Variants in OR7G2 observed in about 807,000 individuals in gnomAD.
OR7G2 encodes olfactory receptor family 7 subfamily G member 2.
For synonymous variants in OR7G2, 153 were observed against 152.2 expected, an observed-to-expected ratio of 1.01 and a Z score of -0.04; for missense variants, 362 against 384.0, an observed-to-expected ratio of 0.94 and a Z score of 0.48.
At position 9,103,036 on chromosome 19, in the gene OR7G2, C is replaced by T. The variant is rs1379830771; in HGVS notation, c.208G>A (p.Asp70Asn). 1.9e-6 allele frequency: 3 copies of T among 1,613,906 alleles called. No individual in the cohort carries two copies. Among genetic ancestry groups the T allele is most frequent in the Non-Finnish European group, 2.5e-6 (3 of 1,179,996 alleles). The change falls in exon 2 of 2, where the codon GAC (aspartate) becomes AAC (asparagine). Residue 70 changes from aspartate to asparagine, a missense_variant. By Grantham distance (23) the Asp-to-Asn change is conservative. Transcript: ENST00000641081. The stretch of plus-strand genomic sequence containing the variant: ...ATCGTGGTTGTGCTTAAACAAATGT[C>T]CAAAAAGGAGAGATTGGAGAGGAAG... ...YFFLSNLSFL[D>N]ICLSTTTIPK...
chr19:9,104,972 T>C (rs2050377951), intron 1 of OR7G2, among the ~76,000 whole-genome samples: 1 of 151,936 alleles, frequency 6.6e-6, no homozygotes, highest in African/African-American at 2.4e-5. Flanking sequence ...TTTTTTCTTT[T>C]TCTTTTTCTT....
intron 1 of OR7G2, among the ~76,000 whole-genome samples, chr19:9,105,040 G>A (rs561967299): frequency 2.0e-5 from 3 of 150,834 alleles, no homozygotes; most frequent in African/African-American, 2.4e-5. Context: ...GCGCGATCTC[G>A]GCTCCCTGCA....
chr19:9,101,746 C>T lies in OR7G2; in HGVS notation c.*523G>A, dbSNP rs1026995277. ...AATAAATAAATAACTTGGGCTCAGC[C>T]TCTGAGTCTATGGCCTGAGCAAAGA... On this transcript the variant is annotated 3_prime_UTR_variant, in exon 2 of 2. Transcript: ENST00000641081. The T allele has an allele frequency of 1.3e-5, 2 of 152,450 alleles. No individual in the cohort carries two copies. The highest frequency in any genetic ancestry group is 4.8e-5 in the African/African-American group (2 of 41,390). The allele number at this position is 152,450 out of a possible 1,614,324, so 9.4% of individuals were successfully genotyped here.
At position 9,102,833 on chromosome 19, in the gene OR7G2, G is replaced by A. The variant is rs898329453; in HGVS notation, c.411C>T (p.Asn137=). The A allele has an allele frequency of 1.2e-5, 20 of 1,613,576 alleles. No homozygotes were observed. Among genetic ancestry groups the A allele is most frequent in the Non-Finnish European group, 1.6e-5 (19 of 1,179,712 alleles). Reference sequence around the variant, plus strand: ...GAATCAGCAGGCCACAGAGGCGGGGGTTCATGATGACTGTGTATCTAAGGG... The same window carrying A: ...GAATCAGCAGGCCACAGAGGCGGGGATTCATGATGACTGTGTATCTAAGGG... The part of the protein sequence containing the change: ...CHPLRYTVIM[N]PRLCGLLILL... Residue 137 remains asparagine (N), a synonymous_variant, in exon 2 of 2, where the codon AAC becomes AAT. Transcript: ENST00000641081.
chr19:9,101,217 C>T lies in OR7G2; in HGVS notation c.*1052G>A, dbSNP rs1245080460. The T allele has an allele frequency of 6.6e-6, 1 of 152,240 alleles. No individual in the cohort carries two copies. Among genetic ancestry groups the T allele is most frequent in the African/African-American group, 2.4e-5 (1 of 41,420 alleles). The allele number at this position is 152,240 out of a possible 1,614,324, so 9.4% of individuals were successfully genotyped here. ...CCTGAGGTAGGAGAATCGCTTGAAC[C>T]CAGAAGGCGGAGGTTGCAGTTAGCC... is the stretch of plus-strand genomic sequence containing the variant. On this transcript the variant is annotated 3_prime_UTR_variant, in exon 2 of 2. Coordinates refer to ENST00000641081, the MANE Select transcript of OR7G2 (RefSeq NM_001005193.2).
At chr19:9,106,494 AT>A (rs1209499826) in intron 1 of OR7G2, among the ~76,000 whole-genome samples, 6 of 151,244 alleles carry the variant, frequency 4.0e-5, no homozygotes, top group African/African-American at 1.2e-4. Context: ...AAAGTAAAAA[AT>A]ATTTTTATTG....
In OR7G2 at chr19:9,102,851, T is replaced by C. The variant is rs574869657; in HGVS notation, c.393A>G (p.Arg131=). ...GGCGGGGGTTCATGATGACTGTGTATCTAAGGGGGTGACAAATGGCCACAT... is the reference window on the plus strand; with the variant it reads ...GGCGGGGGTTCATGATGACTGTGTACCTAAGGGGGTGACAAATGGCCACAT... ...DRYVAICHPL[R]YTVIMNPRLC... is the part of the protein sequence containing the mutation. The change falls in exon 2 of 2, where the codon AGA becomes AGG. Residue 131 remains arginine, a synonymous_variant. Coordinates refer to ENST00000641081, the MANE Select transcript of OR7G2 (RefSeq NM_001005193.2). 3 of 1,613,574 alleles carry C rather than the reference T, an allele frequency of 1.9e-6. No homozygotes were observed. The highest frequency in any genetic ancestry group is 2.2e-5 in the South Asian group (2 of 91,040).
At position 9,103,044 on chromosome 19, in the gene OR7G2, G is replaced by A. The variant is rs187723452; in HGVS notation, c.200C>T (p.Ser67Phe). Reference sequence around the variant, plus strand: ...TGTGCTTAAACAAATGTCCAAAAAGGAGAGATTGGAGAGGAAGAAGTACAT... The same window carrying A: ...TGTGCTTAAACAAATGTCCAAAAAGAAGAGATTGGAGAGGAAGAAGTACAT... ...TPMYFFLSNL[S>F]FLDICLSTTT... The change falls in exon 2 of 2, where the codon TCC becomes TTC. Residue 67 changes from serine to phenylalanine, a missense_variant. Coordinates refer to ENST00000641081, the MANE Select transcript of OR7G2 (RefSeq NM_001005193.2). 7 of 1,614,140 alleles carry A rather than the reference G, an allele frequency of 4.3e-6. No individual in the cohort carries two copies. Among genetic ancestry groups the A allele is most frequent in the African/African-American group, 2.7e-5 (2 of 75,034 alleles).
Position 9,101,460 on chromosome 19 carries a change from T to TAATCCCAGA in OR7G2, c.*800_*808dup. 1 of 151,938 alleles carries TAATCCCAGA rather than the reference T, an allele frequency of 6.6e-6. No individual in the cohort carries two copies. The highest frequency in any genetic ancestry group is 1.5e-5 in the Non-Finnish European group (1 of 68,034). The allele number at this position is 151,938 out of a possible 1,614,324, so 9.4% of individuals were successfully genotyped here. On this transcript the variant is annotated 3_prime_UTR_variant, in exon 2 of 2. Coordinates refer to ENST00000641081, the MANE Select transcript of OR7G2 (RefSeq NM_001005193.2). ...CGGTGGCTCACGCCTCTAATCCCAGTAATCCCAGAACTTTGGGAGGCCGAG... is the reference window on the plus strand; with the variant it reads ...CGGTGGCTCACGCCTCTAATCCCAGTAATCCCAGAAATCCCAGAACTTTGGGAGGCCGAG...
chr19:9,105,492 A>G (rs2050380998), intron 1 of OR7G2, among the ~76,000 whole-genome samples: 1 of 152,174 alleles, frequency 6.6e-6, no homozygotes, highest in Admixed American at 6.6e-5. Context: ...CCCAAAAACC[A>G]CATTATTATC....
In OR7G2 at chr19:9,102,560, C is replaced by T. The variant is rs2050360737; in HGVS notation, c.684G>A (p.Met228Ile). 1 of 1,614,176 alleles carries T rather than the reference C, an allele frequency of 6.2e-7. No homozygotes were observed. Among genetic ancestry groups the T allele is most frequent in the Non-Finnish European group, 8.5e-7 (1 of 1,180,028 alleles). Residue 228 changes from methionine to isoleucine, a missense_variant, in exon 2 of 2, where the codon ATG becomes ATA. Met to Ile is a conservative substitution (Grantham distance 10). Transcript: ENST00000641081. ...CTTTGTGCTTTCCACTTGCTGATGG[C>T]ATTCTCAAAACACAGGAGGTGATCT... ...YTQITSCVLR[M>I]PSASGKHKAV... is the part of the protein sequence containing the mutation.
At chr19:9,106,515 G>A (rs953332901) in intron 1 of OR7G2, among the ~76,000 whole-genome samples, 1 of 150,608 alleles carries the variant, frequency 6.6e-6, no homozygotes, top group African/African-American at 2.4e-5. Flanking sequence ...GCAATAAAGT[G>A]TGTATTTGAG....
At chr19:9,104,797 A>G (rs989785470) in intron 1 of OR7G2, among the ~76,000 whole-genome samples, 2 of 151,616 alleles carry the variant, frequency 1.3e-5, no homozygotes, top group African/African-American at 4.8e-5. Context: ...ACTGCACTCC[A>G]GCCTGGGCAA....
At chr19:9,107,002 G>A (rs2050390050) in intron 1 of OR7G2, among the ~76,000 whole-genome samples, 2 of 151,874 alleles carry the variant, frequency 1.3e-5, no homozygotes, top group Non-Finnish European at 2.9e-5. Flanking sequence ...AGGAGTGTAA[G>A]ACCAGCCTGG....
At position 9,103,153 on chromosome 19, in the gene OR7G2, A is replaced by G. The variant is rs200876957; in HGVS notation, c.91T>C (p.Phe31Leu). Residue 31 changes from phenylalanine (F) to leucine (L), a missense_variant, in exon 2 of 2, where the codon TTC becomes CTC. By Grantham distance (22) the Phe-to-Leu change is conservative. Transcript: ENST00000641081. ...PELQPVLFSL[F>L]LSMYLVTILG... ...ATGGTGACCAAGTACATGGACAGGAACAGGCTGAAAAGGACGGGCTGCAGT... is the reference window on the plus strand; with the variant it reads ...ATGGTGACCAAGTACATGGACAGGAGCAGGCTGAAAAGGACGGGCTGCAGT... 3 of 1,614,036 alleles carry G rather than the reference A, an allele frequency of 1.9e-6. No homozygotes were observed. Among genetic ancestry groups the G allele is most frequent in the African/African-American group, 2.7e-5 (2 of 74,928 alleles).
chr19:9,103,062 A>T lies in OR7G2; in HGVS notation c.182T>A (p.Phe61Tyr). Residue 61 changes from phenylalanine to tyrosine, a missense_variant, in exon 2 of 2, where the codon TTC becomes TAC. By Grantham distance (22) the Phe-to-Tyr change is conservative. Transcript: ENST00000641081. The part of the protein sequence containing the change: ...SDSHLHTPMY[F>Y]FLSNLSFLDI... ...CAAAAAGGAGAGATTGGAGAGGAAG[A>T]AGTACATGGGGGTGTGGAGGTGAGA... The T allele has an allele frequency of 6.2e-7, 1 of 1,614,072 alleles. No homozygotes were observed. The highest frequency in any genetic ancestry group is 1.3e-5 in the African/African-American group (1 of 75,014).
chr19:9,104,051 T>G (rs2050372093), intron 1 of OR7G2, among the ~76,000 whole-genome samples: 1 of 150,726 alleles, frequency 6.6e-6, no homozygotes, highest in Non-Finnish European at 1.5e-5. Flanking sequence ...AAAAAAATTT[T>G]TTTTTTCGTA....
rs34261571 is a variant in OR7G2 at position 9,106,424 on chromosome 19, C to CAA, written c.-17+888_-17+889dup. Among the ~76,000 whole-genome samples, 32 of 119,334 alleles carry CAA rather than the reference C, an allele frequency of 2.7e-4. No homozygotes were observed. In the South Asian group the frequency reaches 3.4e-3, roughly 13 times the overall value. The allele number at this position is 119,334 out of a possible 152,430, so 78.3% of individuals were successfully genotyped here. ...TGGGTGACAGAGGGAGACTGTGTCTCAAAAAAAAAAAAAAAAATTCACACA... is the reference window on the plus strand; with the variant it reads ...TGGGTGACAGAGGGAGACTGTGTCTCAAAAAAAAAAAAAAAAAAATTCACACA... On this transcript the variant is annotated intron_variant, in intron 1 of 1. Transcript: ENST00000641081.
rs2050362310 is a variant in OR7G2, at chr19:9,102,785, A to G, written c.459T>C (p.Val153=). 6.2e-7 allele frequency: 1 copy of G among 1,614,050 alleles called. No individual in the cohort carries two copies. Among genetic ancestry groups the G allele is most frequent in the Admixed American group, 1.7e-5 (1 of 59,988 alleles). ...LLILLSLLTS[V]VNALLLSLMV... ...TCAGGCTGAGAAGAAGGGCATTCAC[A>G]ACACTAGTCAACAGAGAGAGAAGAA... is the stretch of plus-strand genomic sequence containing the variant. Residue 153 remains valine, a synonymous_variant, in exon 2 of 2, where the codon GTT becomes GTC. Coordinates refer to ENST00000641081, the MANE Select transcript of OR7G2 (RefSeq NM_001005193.2).
Sources: allele counts gnomAD v4.1 joint callset (sites outside exome capture counted in the v4.1 genomes callset), GRCh38; gene constraint gnomAD v4.1.1; transcripts MANE v1.5; gene names NCBI Gene and HGNC (gene_info 2026-07-23, HGNC 2026-07-21).